Variants in SLC35F4 observed in about 807,000 individuals in gnomAD.
SLC35F4 encodes the protein solute carrier family 35 member F4.
A neutral mutation model predicts 44.2 loss-of-function variants in SLC35F4; 24 were observed. The observed-to-expected ratio is 0.54, with a 90% confidence interval of 0.39 to 0.76. The LOEUF (loss-of-function observed/expected upper bound fraction) is 0.76, where lower values mean the gene tolerates loss of function less well. Among genes scored for constraint, SLC35F4 ranks in the 30% least tolerant of loss-of-function variants. SLC35F4 has a pLI of 0.00. For synonymous variants in SLC35F4, 238 were observed against 223.6 expected (o/e 1.06, Z -0.57); for missense variants, 562 against 586.1 (o/e 0.96, Z 0.42).
At chr14:57,957,941 G>A (rs1204067027) in intron 1 of SLC35F4, among the ~76,000 whole-genome samples, 2 of 152,084 alleles carry the variant, frequency 1.3e-5, no homozygotes, top group South Asian at 2.1e-4. Context: ...CATTATTCAC[G>A]AATTCAGTGT....
intron 1 of SLC35F4, among the ~76,000 whole-genome samples, chr14:57,970,923 A>G (rs1376411393): frequency 6.6e-6 from 1 of 152,164 alleles, no homozygotes; most frequent in African/African-American, 2.4e-5. Flanking sequence ...TGGATATGTT[A>G]ATAGCTTAAA....
chr14:57,589,937 T>A (rs2070051148), intron 2 of SLC35F4, among the ~76,000 whole-genome samples: 1 of 152,220 alleles, frequency 6.6e-6, no homozygotes, highest in South Asian at 2.1e-4. Context: ...TCTCTTGCTC[T>A]TCCCCTCTGT....
At chr14:57,924,601 A>C (rs1889513789) in intron 1 of SLC35F4, among the ~76,000 whole-genome samples, 1 of 151,974 alleles carries the variant, frequency 6.6e-6, no homozygotes, top group Non-Finnish European at 1.5e-5. Flanking sequence ...GGTGCCTGCC[A>C]CCACACCCAG....
At chr14:57,972,341 A>C (rs1180849078), downstream of SLC35F4, among the ~76,000 whole-genome samples, 1 of 152,130 alleles carries the variant, frequency 6.6e-6, no homozygotes, top group Non-Finnish European at 1.5e-5. Flanking sequence ...AGAAGCAGGG[A>C]GCTCAGTGAA....
chr14:57,868,501 A>T (rs949028760), upstream of SLC35F4, among the ~76,000 whole-genome samples: 14 of 151,544 alleles, frequency 9.2e-5, no homozygotes, highest in African/African-American at 3.4e-4. Flanking sequence ...TTTGAGACAA[A>T]GTCTCACTCT....
chr14:57,876,850 G>T (rs1436184587), intron 1 of SLC35F4, among the ~76,000 whole-genome samples: 6 of 152,138 alleles, frequency 3.9e-5, no homozygotes, highest in African/African-American at 1.4e-4. Flanking sequence ...AGACTAGTGG[G>T]CTACCTATCC....
intron 1 of SLC35F4, among the ~76,000 whole-genome samples, chr14:57,864,781 G>T (rs1887976232): frequency 6.6e-6 from 1 of 152,126 alleles, no homozygotes; most frequent in African/African-American, 2.4e-5. Flanking sequence ...AAAAGCGAAA[G>T]CCCACCTGCA....
At chr14:57,900,403 T>C (rs1293977386) in intron 1 of SLC35F4, among the ~76,000 whole-genome samples, 1 of 151,942 alleles carries the variant, frequency 6.6e-6, no homozygotes, top group Non-Finnish European at 1.5e-5. Flanking sequence ...TAGGTCGGGG[T>C]CATGTGCTCA....
intron 1 of SLC35F4, among the ~76,000 whole-genome samples, chr14:57,927,390 C>G (rs898706613): frequency 6.6e-6 from 1 of 151,936 alleles, no homozygotes; most frequent in African/African-American, 2.4e-5. Flanking sequence ...TCATAGTCGC[C>G]ACTCTAGAAT....
At chr14:57,789,075 G>A (rs138184960) in intron 1 of SLC35F4, among the ~76,000 whole-genome samples, 18 of 152,044 alleles carry the variant, frequency 1.2e-4, no homozygotes, top group Admixed American at 8.5e-4. Flanking sequence ...ATCTAAAATC[G>A]ACAACCTAAC....
chr14:57,592,746 TCTC>T (rs1171861519), intron 2 of SLC35F4, among the ~76,000 whole-genome samples: 3 of 152,122 alleles, frequency 2.0e-5, no homozygotes, highest in African/African-American at 7.2e-5. Context: ...AGCTTTCACA[TCTC>T]CTCTCTTCCT....
chr14:57,969,463 T>C (rs1425036202), intron 1 of SLC35F4, among the ~76,000 whole-genome samples: 5 of 152,354 alleles, frequency 3.3e-5, no homozygotes, highest in Non-Finnish European at 7.3e-5. Flanking sequence ...TATTATAATA[T>C]GAAAGAGAAA....
chr14:57,649,912 A>G (rs992676976), intron 1 of SLC35F4, among the ~76,000 whole-genome samples: 8 of 152,134 alleles, frequency 5.3e-5, no homozygotes, highest in African/African-American at 1.9e-4. Context: ...CTGCAGCCTC[A>G]GATATGCACC....
chr14:57,947,722 G>T (rs1890061966), intron 1 of SLC35F4, among the ~76,000 whole-genome samples: 1 of 152,054 alleles, frequency 6.6e-6, no homozygotes, highest in South Asian at 2.1e-4. Context: ...TTTGCTGAGG[G>T]TTTTTAATCA....
At chr14:57,957,774 A>C (rs1890265610) in intron 1 of SLC35F4, among the ~76,000 whole-genome samples, 1 of 152,214 alleles carries the variant, frequency 6.6e-6, no homozygotes, top group Admixed American at 6.5e-5. Flanking sequence ...TTAGCAGTGC[A>C]ACCTGAGGCA....
intron 1 of SLC35F4, among the ~76,000 whole-genome samples, chr14:57,772,397 G>C (rs971085182): frequency 3.0e-4 from 45 of 151,946 alleles, no homozygotes; most frequent in African/African-American, 6.8e-4. Context: ...TTTTTGATTA[G>C]GGGGTACATG....
chr14:57,599,531 G>A (rs1351444320), intron 1 of SLC35F4, among the ~76,000 whole-genome samples: 2 of 152,076 alleles, frequency 1.3e-5, no homozygotes, highest in Non-Finnish European at 2.9e-5. Flanking sequence ...CTGAAGCGGC[G>A]AGGGGACAGA....
chr14:57,978,891 A>G (rs1881292682), intron 1 of SLC35F4, among the ~76,000 whole-genome samples: 1 of 152,198 alleles, frequency 6.6e-6, no homozygotes, highest in South Asian at 2.1e-4. Flanking sequence ...CAACAAAGAA[A>G]GGAGATACTG....
At chr14:57,846,368 T>G (rs191336805) in intron 1 of SLC35F4, among the ~76,000 whole-genome samples, 295 of 152,314 alleles carry the variant, frequency 1.9e-3, no homozygotes, top group African/African-American at 6.9e-3. Context: ...GCCTGAATAT[T>G]GGGCCAAGTG....
Sources: allele counts gnomAD v4.1 joint callset (sites outside exome capture counted in the v4.1 genomes callset), GRCh38; gene constraint gnomAD v4.1.1; transcripts MANE v1.5; gene names NCBI Gene and HGNC (gene_info 2026-07-23, HGNC 2026-07-21).